Variants in KCNH1 observed in about 807,000 individuals in gnomAD.
The protein encoded by KCNH1 is voltage-gated delayed rectifier potassium channel KCNH1.
In KCNH1, 27 loss-of-function variants were observed where a neutral mutation model predicts 69.2. That is an observed-to-expected ratio of 0.39 (90% confidence interval 0.29 to 0.54). The LOEUF is 0.54. KCNH1 is among the 20% of genes least tolerant of loss of function. The pLI is 0.68. For missense variants in KCNH1, 798 were observed against 1,261.6 expected, an observed-to-expected ratio of 0.63 and a Z score of 5.57; for synonymous variants, 456 against 487.7, an observed-to-expected ratio of 0.93 and a Z score of 0.86.
intron 7 of KCNH1, chr1:210,858,174 T>C (rs1685896632): frequency 6.6e-6 from 1 of 152,220 alleles, no homozygotes; most frequent in South Asian, 2.1e-4. Context: ...TGTTTAGCCA[T>C]ACTCTTAGAT....
chr1:210,808,501 TATTAC>T (rs746316200), intron 7 of KCNH1, among the ~76,000 whole-genome samples: 2 of 152,130 alleles, frequency 1.3e-5, no homozygotes, highest in Admixed American at 6.5e-5. Flanking sequence ...TATGAAATAT[TATTAC>T]ATTAAAGGTG....
intron 7 of KCNH1, among the ~76,000 whole-genome samples, chr1:210,890,378 T>C (rs1686718867): frequency 6.6e-6 from 1 of 152,152 alleles, no homozygotes; most frequent in African/African-American, 2.4e-5. Flanking sequence ...CCTTACACTT[T>C]ATACAAAAAT....
At chr1:211,003,233 A>C (rs1689222158) in intron 6 of KCNH1, among the ~76,000 whole-genome samples, 1 of 152,122 alleles carries the variant, frequency 6.6e-6, no homozygotes. Flanking sequence ...CTAAATCTAC[A>C]CTTTGCTTGG....
chr1:211,065,841 C>T (rs748481224), intron 5 of KCNH1, among the ~76,000 whole-genome samples: 16 of 152,132 alleles, frequency 1.1e-4, no homozygotes, highest in Non-Finnish European at 1.9e-4. Context: ...AGGAAGACCG[C>T]TTGAGCCCAG....
At position 210,718,987 on chromosome 1, in the gene KCNH1, C is replaced by G. The variant is rs184602709; in HGVS notation, c.2113-34849G>C. On this transcript the variant is annotated intron_variant, in intron 10 of 10. Transcript: ENST00000271751. ...TTTCCAGCGTGGTAGATGACAACTC[C>G]CAAGATTAGCCCCCAACCAAGGCAC... Among the ~76,000 whole-genome samples, 249 of 152,220 alleles carry G rather than the reference C, an allele frequency of 1.6e-3. 1 individual carries two copies. Among genetic ancestry groups the G allele is most frequent in the African/African-American group, 5.8e-3 (239 of 41,512 alleles).
intron 1 of KCNH1, among the ~76,000 whole-genome samples, chr1:211,131,180 G>A (rs1193167622): frequency 6.6e-6 from 1 of 151,948 alleles, no homozygotes; most frequent in Non-Finnish European, 1.5e-5. Flanking sequence ...AGGCAGACTA[G>A]ATAATATTTA....
chr1:210,884,544 C>T (rs1686563025), intron 7 of KCNH1, among the ~76,000 whole-genome samples: 1 of 152,212 alleles, frequency 6.6e-6, no homozygotes, highest in African/African-American at 2.4e-5. Flanking sequence ...CAAACTCAGA[C>T]CTGACTTCAG....
intron 5 of KCNH1, among the ~76,000 whole-genome samples, chr1:211,080,304 C>T (rs1283409474): frequency 6.6e-6 from 1 of 152,004 alleles, no homozygotes; most frequent in Non-Finnish European, 1.5e-5. Flanking sequence ...AACCACTGCT[C>T]GATGAAATAA....
At chr1:210,763,972 A>T (rs1245879044) in intron 10 of KCNH1, among the ~76,000 whole-genome samples, 2 of 152,192 alleles carry the variant, frequency 1.3e-5, no homozygotes, top group East Asian at 3.8e-4. Context: ...TTCAAAGTAC[A>T]TTACGAGGTT....
At chr1:210,835,798 A>G (rs986892035) in intron 7 of KCNH1, among the ~76,000 whole-genome samples, 4 of 152,096 alleles carry the variant, frequency 2.6e-5, no homozygotes, top group Non-Finnish European at 5.9e-5. Flanking sequence ...TCAGTTCCCA[A>G]CTGGTTTCTG....
At chr1:210,988,209 T>C (rs1688879142) in intron 6 of KCNH1, among the ~76,000 whole-genome samples, 1 of 152,168 alleles carries the variant, frequency 6.6e-6, no homozygotes, top group Admixed American at 6.5e-5. Flanking sequence ...GGAAAGGGAA[T>C]TCCCTGACCC....
In KCNH1 at chr1:210,681,778, T is replaced by C. The variant is rs185343525; in HGVS notation, c.*1503A>G. The C allele has an allele frequency of 2.6e-5, 4 of 152,280 alleles. No individual in the cohort carries two copies. Among genetic ancestry groups the C allele is most frequent in the South Asian group, 2.1e-4 (1 of 4,832 alleles). 9.4% of individuals were successfully genotyped at this position (152,280 alleles called of 1,614,324 possible). ...TACTCCTAATTCCATTCCCTCCAAG[T>C]TGACTTTTCAGAGCTGAACTTCTAA... On this transcript the variant is annotated 3_prime_UTR_variant, in exon 11 of 11. Coordinates refer to ENST00000271751, the MANE Select transcript of KCNH1 (RefSeq NM_172362.3).
At chr1:211,089,871 CT>C (rs1274539046) in intron 4 of KCNH1, among the ~76,000 whole-genome samples, 9 of 152,294 alleles carry the variant, frequency 5.9e-5, no homozygotes, top group African/African-American at 2.2e-4. Flanking sequence ...AACATGCCAT[CT>C]TTTTTATATC....
At chr1:211,028,632 T>TA (rs202150926) in intron 5 of KCNH1, among the ~76,000 whole-genome samples, 23 of 149,636 alleles carry the variant, frequency 1.5e-4, no homozygotes, top group Admixed American at 4.7e-4. Context: ...CCTGGAGACA[T>TA]AAAAAAAAAT....
chr1:210,785,660 A>G (rs930678976), intron 9 of KCNH1, among the ~76,000 whole-genome samples: 1 of 152,088 alleles, frequency 6.6e-6, no homozygotes, highest in African/African-American at 2.4e-5. Context: ...ACTCTTAAGG[A>G]AAACTACTTT....
At chr1:210,863,010 C>T (rs1038128169) in intron 7 of KCNH1, among the ~76,000 whole-genome samples, 4 of 152,086 alleles carry the variant, frequency 2.6e-5, no homozygotes, top group African/African-American at 4.8e-5. Flanking sequence ...TCAGGGCATG[C>T]GTGTAAAGTT....
chr1:210,984,197 T>C (rs1688775744), intron 6 of KCNH1, among the ~76,000 whole-genome samples: 1 of 152,212 alleles, frequency 6.6e-6, no homozygotes, highest in East Asian at 1.9e-4. Flanking sequence ...GTTTTCTAGA[T>C]ATACAATCAT....
intron 10 of KCNH1, among the ~76,000 whole-genome samples, chr1:210,728,607 G>A (rs887461764): frequency 3.3e-5 from 5 of 152,182 alleles, no homozygotes; most frequent in African/African-American, 1.2e-4. Context: ...TGAGGTATGT[G>A]TGCAGAGGTC....
intron 9 of KCNH1, among the ~76,000 whole-genome samples, chr1:210,789,369 T>C (rs915071312): frequency 6.6e-6 from 1 of 152,230 alleles, no homozygotes; most frequent in South Asian, 2.1e-4. Flanking sequence ...TAGATCTTTG[T>C]CAGATAAGCC....
Sources: gnomAD v4.1 joint callset for allele counts (sites outside exome capture counted in the v4.1 genomes callset) on GRCh38, gnomAD v4.1.1 for gene constraint, MANE v1.5 for transcripts, NCBI Gene and HGNC (gene_info 2026-07-23, HGNC 2026-07-21) for gene names.